DKK4: variants seen among roughly 807,000 people sequenced by gnomAD.
DKK4 encodes the protein dickkopf-related protein 4.
DKK4 carries 15 observed loss-of-function variants against 14.5 expected under a neutral mutation model. That is an observed-to-expected ratio of 1.03 (90% CI 0.69 to 1.59). The LOEUF (loss-of-function observed/expected upper bound fraction) is 1.59. Ranked by LOEUF, DKK4 falls within the 40% of genes most tolerant of loss-of-function variation. DKK4 has a pLI of 0.00. For missense variants in DKK4, 272 were observed against 280.3 expected, an observed-to-expected ratio of 0.97 and a Z score of 0.21; for synonymous variants, 89 against 105.2, an observed-to-expected ratio of 0.85 and a Z score of 0.94.
intron 1 of DKK4, among the ~76,000 whole-genome samples, chr8:42,376,677 G>T (rs1824570908): frequency 6.6e-6 from 1 of 152,192 alleles, no homozygotes; most frequent in African/African-American, 2.4e-5. Context: ...ACATAGTAGA[G>T]CTTCCAAAGT....
chr8:42,391,300 C>A, the DKK4 span, among the ~76,000 whole-genome samples: 2 of 142,082 alleles, frequency 1.4e-5, no homozygotes, highest in African/African-American at 2.7e-5. Context: ...CGCAGGCGGG[C>A]GGATCACTTA....
chr8:42,388,214 C>T, the DKK4 span, among the ~76,000 whole-genome samples: 237 of 152,126 alleles, frequency 1.6e-3, no homozygotes, highest in Non-Finnish European at 2.8e-3. Context: ...CTTTTAAACT[C>T]CTTTCTTTTC....
chr8:42,376,608 T>C (rs1203521952), intron 1 of DKK4, among the ~76,000 whole-genome samples: 1 of 152,200 alleles, frequency 6.6e-6, no homozygotes, highest in Non-Finnish European at 1.5e-5. Flanking sequence ...TAGGGAATGT[T>C]TCACCTATCT....
chr8:42,376,607 T>C (rs1824569488), intron 1 of DKK4, among the ~76,000 whole-genome samples: 1 of 152,146 alleles, frequency 6.6e-6, no homozygotes, highest in African/African-American at 2.4e-5. Context: ...TTAGGGAATG[T>C]TTCACCTATC....
chr8:42,386,121 C>A, the DKK4 span, among the ~76,000 whole-genome samples: 1 of 152,136 alleles, frequency 6.6e-6, no homozygotes, highest in South Asian at 2.1e-4. Context: ...CTGTGTTGCC[C>A]GGGCTGGAGT....
At chr8:42,386,960 C>T in the DKK4 span, among the ~76,000 whole-genome samples, 106 of 152,256 alleles carry the variant, frequency 7.0e-4, no homozygotes, top group African/African-American at 8.7e-4. Flanking sequence ...TTTCTCTGAA[C>T]GAGGCCACAG....
upstream of DKK4, among the ~76,000 whole-genome samples, chr8:42,379,508 A>G (rs1057335495): frequency 1.3e-5 from 2 of 150,894 alleles, no homozygotes; most frequent in Non-Finnish European, 3.0e-5. Flanking sequence ...GATAGAAGAC[A>G]TGTACATATG....
At chr8:42,374,403 T>C in intron 3 of DKK4, 44 bp from the exon 4 acceptor site, 1 of 1,607,568 alleles carries the variant, frequency 6.2e-7, no homozygotes, top group Non-Finnish European at 8.5e-7. Context: ...ATAAGGAAAG[T>C]GGCCTGCTGG....
At chr8:42,376,850 G>T in intron 1 of DKK4, 85 bp downstream of exon 1, 1 of 1,105,060 alleles carries the variant, frequency 9.0e-7, no homozygotes, top group South Asian at 1.3e-5. Flanking sequence ...TTTCATACAT[G>T]AATCAGAATG....
the DKK4 span, among the ~76,000 whole-genome samples, chr8:42,390,358 C>CTTTTTTTTTTTTTTTTTTTT: frequency 1.0e-5 from 1 of 99,478 alleles, no homozygotes; most frequent in Non-Finnish European, 1.9e-5. Context: ...CTTTTGCTTC[C>CTTTTTTTTTTTTTTTTTTTT]TTTTTTTTTT....
upstream of DKK4, among the ~76,000 whole-genome samples, chr8:42,379,982 G>A (rs534230127): frequency 7.2e-5 from 11 of 152,310 alleles, no homozygotes; most frequent in East Asian, 2.1e-3. Context: ...GATAAAGCAA[G>A]AGGACCACTT....
upstream of DKK4, among the ~76,000 whole-genome samples, chr8:42,379,537 T>C (rs1318163483): frequency 6.6e-6 from 1 of 151,222 alleles, no homozygotes; most frequent in South Asian, 2.1e-4. Flanking sequence ...CAATGTATTA[T>C]GACAAGCACT....
the DKK4 span, among the ~76,000 whole-genome samples, chr8:42,384,063 G>A: frequency 6.6e-6 from 1 of 152,234 alleles, no homozygotes; most frequent in Non-Finnish European, 1.5e-5. Flanking sequence ...TGTGTGCCAC[G>A]CTGCGGCTGA....
chr8:42,377,204 TGCG>T lies in DKK4; in HGVS notation c.-162_-160del. On this transcript the variant is annotated 5_prime_UTR_variant, in exon 1 of 4. Coordinates refer to ENST00000220812, the MANE Select transcript of DKK4 (RefSeq NM_014420.3). ...GAAGTAAACCTTAGTCTGAGTAAGG[TGCG>T]TGAAATCGGCTGAGCAAAGTCTGAC... The T allele has an allele frequency of 1.6e-6, 1 of 610,404 alleles. No homozygotes were observed. Among genetic ancestry groups the T allele is most frequent in the Non-Finnish European group, 2.8e-6 (1 of 352,974 alleles). 37.8% of individuals were successfully genotyped at this position (610,404 alleles called of 1,614,324 possible). A position where few individuals can be genotyped will look rare whatever the true frequency, so the allele number is the denominator to read the frequency against.
At chr8:42,375,944 C>G (rs905523261) in intron 1 of DKK4, 114 bp from the exon 2 acceptor site, 1 of 1,337,960 alleles carries the variant, frequency 7.5e-7, no homozygotes, top group Middle Eastern at 2.0e-4. Context: ...CTGTGACAAA[C>G]CCTGGGCAGC....
upstream of DKK4, among the ~76,000 whole-genome samples, chr8:42,379,852 C>T (rs1171213444): frequency 6.6e-6 from 1 of 152,048 alleles, no homozygotes; most frequent in Non-Finnish European, 1.5e-5. Flanking sequence ...ATATGCCATG[C>T]TAAGAAAATC....
At chr8:42,387,503 G>A in the DKK4 span, among the ~76,000 whole-genome samples, 1 of 151,854 alleles carries the variant, frequency 6.6e-6, no homozygotes, top group South Asian at 2.1e-4. Flanking sequence ...GATTACAGGT[G>A]CCCTCCACCA....
chr8:42,381,385 G>A (rs1329301263), upstream of DKK4, among the ~76,000 whole-genome samples: 2 of 152,192 alleles, frequency 1.3e-5, no homozygotes, highest in African/African-American at 4.8e-5. Flanking sequence ...GGAGATATAA[G>A]AGTAGCCATT....
the DKK4 span, among the ~76,000 whole-genome samples, chr8:42,387,831 G>A: frequency 6.6e-6 from 1 of 152,164 alleles, no homozygotes; most frequent in Admixed American, 6.5e-5. Flanking sequence ...TGGGACTGGT[G>A]TTGTCAGGTC....
Sources: allele counts gnomAD v4.1 joint callset (sites outside exome capture counted in the v4.1 genomes callset), GRCh38; gene constraint gnomAD v4.1.1; transcripts MANE v1.5; gene names NCBI Gene and HGNC (gene_info 2026-07-23, HGNC 2026-07-21).